The following CAMTA1 variants were observed in gnomAD, a reference collection of about 807,000 sequenced individuals.
CAMTA1 encodes calmodulin binding transcription activator 1, also known as calmodulin-binding transcription activator 1.
A neutral mutation model predicts 170.9 loss-of-function variants in CAMTA1; 27 were observed. That is an observed-to-expected ratio of 0.16 (90% CI 0.12 to 0.22). The LOEUF (loss-of-function observed/expected upper bound fraction) is 0.22, where lower values mean the gene tolerates loss of function less well. Among genes scored for constraint, CAMTA1 ranks in the 10% least tolerant of loss-of-function variants. The pLI is 1.00. For synonymous variants in CAMTA1, 833 were observed against 891.5 expected (o/e 0.93, Z 1.17); for missense variants, 1,619 against 2,217.2 (o/e 0.73, Z 5.42).
intron 1 of CAMTA1, among the ~76,000 whole-genome samples, chr1:6,794,369 T>C (rs1203131034): frequency 1.3e-5 from 2 of 152,202 alleles, no homozygotes; most frequent in Non-Finnish European, 2.9e-5. Context: ...TTCAAAGATA[T>C]TTGTGGTGGC....
At chr1:6,972,082 C>T (rs1309543619) in intron 3 of CAMTA1, among the ~76,000 whole-genome samples, 1 of 152,144 alleles carries the variant, frequency 6.6e-6, no homozygotes, top group African/African-American at 2.4e-5. Flanking sequence ...AGAACTGGGT[C>T]AGAAGTGTCC....
chr1:6,804,127 T>A (rs11122156), intron 1 of CAMTA1, among the ~76,000 whole-genome samples: 2 of 151,068 alleles, frequency 1.3e-5, no homozygotes, highest in African/African-American at 4.9e-5. Context: ...GAGGTTGCAG[T>A]GTGTCGAGAT....
At chr1:7,271,746 A>G (rs1669848924) in intron 5 of CAMTA1, among the ~76,000 whole-genome samples, 1 of 152,150 alleles carries the variant, frequency 6.6e-6, no homozygotes, top group African/African-American at 2.4e-5. Flanking sequence ...ACAGACAAAT[A>G]AAAGACCCAG....
chr1:7,426,983 C>T lies in CAMTA1; in HGVS notation c.439-40847C>T, dbSNP rs552780169. Among the ~76,000 whole-genome samples, 19 of 152,216 alleles carry T rather than the reference C, an allele frequency of 1.2e-4. No homozygotes were observed. Among genetic ancestry groups the T allele is most frequent in the African/African-American group, 4.3e-4 (18 of 41,540 alleles). ...CGTTCAGAATCGTGTTTTCCTTACT[C>T]AACATTCCCAGGTGTCGTCCCCTCT... On this transcript the variant is annotated intron_variant, in intron 5 of 22. Transcript: ENST00000303635. The surrounding 1 kb of genome is among the most constrained non-coding windows in gnomAD (Gnocchi z 4.8).
At chr1:7,587,567 C>T (rs1477716836) in intron 6 of CAMTA1, among the ~76,000 whole-genome samples, 2 of 152,092 alleles carry the variant, frequency 1.3e-5, no homozygotes, top group African/African-American at 2.4e-5. Context: ...AGTAATACCT[C>T]GCAGCTTCCC....
chr1:6,885,957 A>G (rs1015052554), intron 3 of CAMTA1, among the ~76,000 whole-genome samples: 1 of 151,694 alleles, frequency 6.6e-6, no homozygotes, highest in African/African-American at 2.4e-5. Context: ...CCTTTGGTTC[A>G]CTCTTACCCT....
intron 6 of CAMTA1, among the ~76,000 whole-genome samples, chr1:7,508,189 CT>C (rs2094148658): frequency 2.0e-5 from 3 of 152,222 alleles, no homozygotes; most frequent in Admixed American, 2.0e-4. Context: ...GGCCCTGACT[CT>C]GAGCTTGGGC....
At chr1:7,336,453 G>A (rs1291124925) in intron 5 of CAMTA1, among the ~76,000 whole-genome samples, 1 of 152,220 alleles carries the variant, frequency 6.6e-6, no homozygotes, top group East Asian at 1.9e-4. Flanking sequence ...GGTGGAAGCA[G>A]CTTCTCTCTG....
At chr1:7,040,528 C>A (rs1396725553) in intron 3 of CAMTA1, among the ~76,000 whole-genome samples, 1 of 152,122 alleles carries the variant, frequency 6.6e-6, no homozygotes, top group East Asian at 1.9e-4. Flanking sequence ...GTTCACAGCA[C>A]CTGAAGGCAT....
At chr1:6,990,814 TA>T (rs1696252317) in intron 3 of CAMTA1, among the ~76,000 whole-genome samples, 1 of 150,162 alleles carries the variant, frequency 6.7e-6, no homozygotes, top group African/African-American at 2.4e-5. Context: ...TCTATATATA[TA>T]TATATTTATA....
In CAMTA1 at chr1:7,547,741, G is replaced by GTATATTTATGTGTGGC. The variant is rs2094717446; in HGVS notation, c.510+79841_510+79856dup. Among the ~76,000 whole-genome samples the GTATATTTATGTGTGGC allele has an allele frequency of 1.3e-5, 2 of 151,250 alleles. No homozygotes were observed. Among genetic ancestry groups the GTATATTTATGTGTGGC allele is most frequent in the Admixed American group, 1.3e-4 (2 of 15,174 alleles). On this transcript the variant is annotated intron_variant, in intron 6 of 22. Transcript: ENST00000303635. This position sits in a 1 kb window ranked among gnomAD's most constrained non-coding sequence, Gnocchi z 5.7. ...AGCTCATCAGCTACCGTTAGTGTTA[G>GTATATTTATGTGTGGC]TATATTTATGTGTGGCCTAAGAGAA...
intron 4 of CAMTA1, among the ~76,000 whole-genome samples, chr1:7,163,820 GC>G (rs1647780071): frequency 6.6e-6 from 1 of 152,192 alleles, no homozygotes; most frequent in Non-Finnish European, 1.5e-5. Context: ...GAGGGACAGT[GC>G]CTGTGCAGGA....
chr1:7,179,357 G>T (rs1651619608), intron 4 of CAMTA1, among the ~76,000 whole-genome samples: 2 of 152,160 alleles, frequency 1.3e-5, no homozygotes, highest in African/African-American at 4.8e-5. Context: ...CAAGGCAGAT[G>T]AAGTGGAAAA....
intron 5 of CAMTA1, among the ~76,000 whole-genome samples, chr1:7,386,481 C>T (rs1025515430): frequency 2.6e-5 from 4 of 152,178 alleles, no homozygotes; most frequent in Admixed American, 2.6e-4. Context: ...CATGGCTGGG[C>T]CCTCAGCCTG....
chr1:6,862,182 A>G (rs1242736851), intron 3 of CAMTA1, among the ~76,000 whole-genome samples: 2 of 152,192 alleles, frequency 1.3e-5, no homozygotes, highest in Non-Finnish European at 2.9e-5. Context: ...ATGGTTGGCC[A>G]GGCTGGTCTC....
intron 6 of CAMTA1, among the ~76,000 whole-genome samples, chr1:7,622,828 G>A (rs1013953189): frequency 6.6e-6 from 1 of 152,252 alleles, no homozygotes; most frequent in African/African-American, 2.4e-5. Context: ...ATGTGGAGCC[G>A]CCATCATGGA....
rs555507820 is a variant in CAMTA1, at chr1:7,597,902, G to A, written c.511-42498G>A. Among the ~76,000 whole-genome samples, 11 of 151,272 alleles carry A rather than the reference G, an allele frequency of 7.3e-5. No individual in the cohort carries two copies. In the South Asian group the frequency reaches 1.7e-3, roughly 23 times the overall value. On this transcript the variant is annotated intron_variant, in intron 6 of 22. Coordinates refer to ENST00000303635, the MANE Select transcript of CAMTA1 (RefSeq NM_015215.4). ...TTTGTTACACAGGTATACATATGCC[G>A]TGGTGGTTTGCTGCGACTATCAACC...
intron 11 of CAMTA1, among the ~76,000 whole-genome samples, chr1:7,704,109 C>T (rs1466821524): frequency 1.3e-5 from 2 of 151,680 alleles, no homozygotes; most frequent in Non-Finnish European, 1.5e-5. Context: ...GCCCCCACGC[C>T]TCCCCGCTCG....
intron 3 of CAMTA1, among the ~76,000 whole-genome samples, chr1:7,062,706 T>C (rs998081756): frequency 1.3e-5 from 2 of 152,182 alleles, no homozygotes; most frequent in Non-Finnish European, 2.9e-5. Context: ...TGGGTGGCTT[T>C]ACCCAACAGA....
Sources: gnomAD v4.1 joint callset for allele counts (sites outside exome capture counted in the v4.1 genomes callset) on GRCh38, gnomAD v4.1.1 for gene constraint, Gnocchi (gnomAD v3.1) non-coding constraint, MANE v1.5 for transcripts, NCBI Gene and HGNC (gene_info 2026-07-23, HGNC 2026-07-21) for gene names.